ISM1: variants seen among roughly 807,000 people sequenced by gnomAD.
ISM1 encodes isthmin 1, also known as isthmin-1.
Under a neutral mutation model 46.3 loss-of-function variants are expected in ISM1, and 25 were observed. That is an observed-to-expected ratio of 0.54 (90% CI 0.39 to 0.75). The LOEUF (loss-of-function observed/expected upper bound fraction) is 0.75, where lower values mean the gene tolerates loss of function less well. Ranked by LOEUF, ISM1 falls within the 30% of genes least tolerant of loss-of-function variation. The pLI is 0.00. For synonymous variants in ISM1, 255 were observed against 256.7 expected (o/e 0.99, Z 0.06); for missense variants, 536 against 625.4 (o/e 0.86, Z 1.52).
intron 1 of ISM1, among the ~76,000 whole-genome samples, chr20:13,262,962 C>T (rs551227418): frequency 1.1e-4 from 16 of 152,292 alleles, no homozygotes; most frequent in African/African-American, 3.8e-4. Context: ...TTAGTCAGAC[C>T]GTGACAGCAG....
chr20:13,310,461 CT>C, the ISM1 span, among the ~76,000 whole-genome samples: 38 of 151,276 alleles, frequency 2.5e-4, no homozygotes, highest in Non-Finnish European at 4.7e-4. Context: ...AGACCTAAAA[CT>C]GTAAAACAAC....
At chr20:13,276,351 A>G (rs184461128) in intron 2 of ISM1, among the ~76,000 whole-genome samples, 1 of 152,294 alleles carries the variant, frequency 6.6e-6, no homozygotes, top group East Asian at 1.9e-4. Context: ...TGGGAAGTGC[A>G]TTTCCGAGCA....
At chr20:13,270,368 A>G in intron 1 of ISM1, 136 bp from the exon 2 acceptor site, 1 of 965,864 alleles carries the variant, frequency 1.0e-6, no homozygotes. Flanking sequence ...GGTTTGCAAA[A>G]CAAGTTTGGA....
At chr20:13,288,786 C>CT in intron 4 of ISM1, 103 bp downstream of exon 4, 1 of 1,213,186 alleles carries the variant, frequency 8.2e-7, no homozygotes. Context: ...CACTACTTTT[C>CT]TTTTCTTTTT....
the ISM1 span, among the ~76,000 whole-genome samples, chr20:13,312,205 C>A: frequency 6.6e-6 from 1 of 152,100 alleles, no homozygotes; most frequent in South Asian, 2.1e-4. Flanking sequence ...GTAAGCAAAA[C>A]TAAAAGGGAA....
intron 2 of ISM1, among the ~76,000 whole-genome samples, chr20:13,278,150 G>A (rs148181472): frequency 6.6e-6 from 1 of 152,180 alleles, no homozygotes; most frequent in Non-Finnish European, 1.5e-5. Context: ...CTATGCGATG[G>A]CCAAAGGAAC....
chr20:13,258,892 C>T (rs899948006), intron 1 of ISM1, among the ~76,000 whole-genome samples: 1 of 152,128 alleles, frequency 6.6e-6, no homozygotes, highest in East Asian at 1.9e-4. Context: ...CTTGTCAGTG[C>T]ATTAGACCAA....
chr20:13,293,685 G>T (rs1348770781), intron 5 of ISM1, among the ~76,000 whole-genome samples: 1 of 152,134 alleles, frequency 6.6e-6, no homozygotes, highest in Non-Finnish European at 1.5e-5. Context: ...GTGATGAAAA[G>T]AAAATGGTCT....
intron 1 of ISM1, among the ~76,000 whole-genome samples, chr20:13,250,753 G>A (rs1258939038): frequency 6.6e-6 from 1 of 152,164 alleles, no homozygotes; most frequent in Admixed American, 6.5e-5. Context: ...TTGGCTCTCA[G>A]TAATTACATA....
chr20:13,300,974 A>G (rs759732784), downstream of ISM1, among the ~76,000 whole-genome samples: 4 of 152,224 alleles, frequency 2.6e-5, no homozygotes, highest in Non-Finnish European at 5.9e-5. Context: ...TATAAGTAGA[A>G]CTACTCATCA....
intron 1 of ISM1, among the ~76,000 whole-genome samples, chr20:13,235,915 T>C (rs1283867756): frequency 6.6e-6 from 1 of 151,034 alleles, no homozygotes; most frequent in Non-Finnish European, 1.5e-5. Flanking sequence ...GTGCATAGTA[T>C]ATTGTACTTC....
chr20:13,282,330 G>A (rs2040247225), intron 3 of ISM1, among the ~76,000 whole-genome samples: 1 of 152,190 alleles, frequency 6.6e-6, no homozygotes, highest in Non-Finnish European at 1.5e-5. Context: ...CCTGGAGTCT[G>A]TTGTTTGCAT....
chr20:13,288,469 A>G, intron 3 of ISM1, 71 bp from the exon 4 acceptor site: 1 of 1,501,006 alleles, frequency 6.7e-7, no homozygotes, highest in Non-Finnish European at 9.1e-7. Context: ...AATAATTGAC[A>G]GGCTGCTTGA....
At chr20:13,303,247 G>T (rs1014604512), downstream of ISM1, among the ~76,000 whole-genome samples, 1 of 152,156 alleles carries the variant, frequency 6.6e-6, no homozygotes, top group African/African-American at 2.4e-5. Flanking sequence ...TCATCCCAAG[G>T]TCTGCTGGAT....
chr20:13,310,694 T>C, the ISM1 span, among the ~76,000 whole-genome samples: 1 of 152,190 alleles, frequency 6.6e-6, no homozygotes, highest in East Asian at 1.9e-4. Context: ...TAATCCGAAA[T>C]ACATAAAAAA....
chr20:13,250,514 C>G (rs2039857153), intron 1 of ISM1, among the ~76,000 whole-genome samples: 2 of 152,160 alleles, frequency 1.3e-5, no homozygotes, highest in Non-Finnish European at 2.9e-5. Flanking sequence ...TTAAGCATGC[C>G]AGGCAGCTTC....
rs948481124 is a variant in ISM1 at position 13,240,424 on chromosome 20, C to G, written c.138+18510C>G. ...TCCTGAGCTGGGGGAATAAAAGGAC[C>G]AGCTCTGCAAAGAACTCAGGAGAGC... On this transcript the variant is annotated intron_variant, in intron 1 of 5. Transcript: ENST00000262487. Among the ~76,000 whole-genome samples, 6 of 152,236 alleles carry G rather than the reference C, an allele frequency of 3.9e-5. No homozygotes were observed. The South Asian group carries it at 1.0e-3, about 26-fold the overall frequency.
intron 2 of ISM1, among the ~76,000 whole-genome samples, chr20:13,273,554 C>G (rs936090585): frequency 6.6e-6 from 1 of 152,076 alleles, no homozygotes; most frequent in Non-Finnish European, 1.5e-5. Context: ...AAAAATATTA[C>G]TTAAATATTA....
intron 3 of ISM1, among the ~76,000 whole-genome samples, chr20:13,283,513 G>A (rs1048070542): frequency 6.6e-6 from 1 of 152,066 alleles, no homozygotes; most frequent in Non-Finnish European, 1.5e-5. Context: ...GGATACAATG[G>A]CATCTGTAGA....
Sources: gnomAD v4.1 joint callset for allele counts (sites outside exome capture counted in the v4.1 genomes callset) on GRCh38, gnomAD v4.1.1 for gene constraint, MANE v1.5 for transcripts, NCBI Gene and HGNC (gene_info 2026-07-23, HGNC 2026-07-21) for gene names.